ZNF280B: variants seen among roughly 807,000 people sequenced by gnomAD.
ZNF280B encodes suppressor of hairy wing homolog 2.
ZNF280B carries 16 observed loss-of-function variants against 38.0 expected under a neutral mutation model. The ratio of observed to expected loss-of-function variants is 0.42; its 90% CI spans 0.28 to 0.64. ZNF280B has a LOEUF of 0.64. Among genes scored for constraint, ZNF280B ranks in the 30% least tolerant of loss-of-function variants. The pLI, the probability that ZNF280B is intolerant of heterozygous loss-of-function variation, is 0.21. For missense variants in ZNF280B, 581 were observed against 639.6 expected, an observed-to-expected ratio of 0.91 and a Z score of 0.99; for synonymous variants, 253 against 230.6, an observed-to-expected ratio of 1.10 and a Z score of -0.88.
chr22:22,495,372 GGTA>G (rs2061673764), intron 2 of ZNF280B, among the ~76,000 whole-genome samples: 1 of 151,836 alleles, frequency 6.6e-6, no homozygotes. Flanking sequence ...GAGAGAAATC[GGTA>G]AACATTAACA....
At chr22:22,496,817 CTTTTTTT>C (rs398036598) in intron 2 of ZNF280B, among the ~76,000 whole-genome samples, 1 of 131,798 alleles carries the variant, frequency 7.6e-6, no homozygotes, top group South Asian at 2.5e-4. Flanking sequence ...GGGATCTACT[CTTTTTTT>C]TTTTTTTTTT....
chr22:22,488,087 G>C lies in ZNF280B; in HGVS notation c.1312C>G (p.Leu438Val), dbSNP rs764512962. The stretch of plus-strand genomic sequence containing the variant: ...GGTGTTGCTGTTTTGAAAATTTTGA[G>C]ACAAAAGGGACAAAGCAAATTCTTT... ...NTKNLLCPFC[L>V]KIFKTATPYM... Residue 438 changes from leucine to valine, a missense_variant, in exon 4 of 4, where the codon CTC becomes GTC. By Grantham distance (32) the Leu-to-Val change is conservative (BLOSUM62 1). Transcript: ENST00000626650. The C allele has an allele frequency of 6.2e-7, 1 of 1,613,884 alleles. No individual in the cohort carries two copies. Among genetic ancestry groups the C allele is most frequent in the South Asian group, 1.1e-5 (1 of 91,070 alleles).
rs752688662 is a variant in ZNF280B, at chr22:22,489,407, T to G, written c.-9A>C. ...TCACATGATTGTTCCATTTTCTAATTTTTTTATTCCTGAATGGTGGGGCCA... is the reference window on the plus strand; with the variant it reads ...TCACATGATTGTTCCATTTTCTAATGTTTTTATTCCTGAATGGTGGGGCCA... On this transcript the variant is annotated 5_prime_UTR_variant, in exon 4 of 4. Transcript: ENST00000626650. 2 of 1,577,940 alleles carry G rather than the reference T, an allele frequency of 1.3e-6. No homozygotes were observed. Among genetic ancestry groups the G allele is most frequent in the South Asian group, 2.4e-5 (2 of 84,170 alleles).
chr22:22,496,520 G>A (rs2061698584), intron 2 of ZNF280B, among the ~76,000 whole-genome samples: 1 of 151,880 alleles, frequency 6.6e-6, no homozygotes, highest in East Asian at 2.0e-4. Context: ...GCCCTGGGAT[G>A]GAATACAAAT....
intron 3 of ZNF280B, among the ~76,000 whole-genome samples, chr22:22,493,260 G>A (rs1259385580): frequency 6.6e-6 from 1 of 151,880 alleles, no homozygotes; most frequent in African/African-American, 2.4e-5. Flanking sequence ...GCCTGCCTTG[G>A]CCTCCCAAAG....
chr22:22,487,626 A>T lies in ZNF280B; in HGVS notation c.*141T>A. 1 of 644,980 alleles carries T rather than the reference A, an allele frequency of 1.6e-6. No individual in the cohort carries two copies. The highest frequency in any genetic ancestry group is 2.8e-5 in the East Asian group (1 of 35,090). The allele number at this position is 644,980 out of a possible 1,614,324, so 40.0% of individuals were successfully genotyped here. On this transcript the variant is annotated 3_prime_UTR_variant, in exon 4 of 4. Coordinates refer to ENST00000626650, the MANE Select transcript of ZNF280B (RefSeq NM_080764.4). The stretch of plus-strand genomic sequence containing the variant: ...TTCAGATCAAATAATATATATCCTG[A>T]ATCTTGTTTAAAAAGTCATATATAA...
intron 3 of ZNF280B, among the ~76,000 whole-genome samples, chr22:22,491,877 C>G (rs111541998): frequency 9.9e-5 from 15 of 151,916 alleles, no homozygotes; most frequent in African/African-American, 3.6e-4. Context: ...GCAAAATGTA[C>G]GCACTAGAAA....
At chr22:22,490,221 A>G (rs1479322715) in intron 3 of ZNF280B, among the ~76,000 whole-genome samples, 1 of 151,860 alleles carries the variant, frequency 6.6e-6, no homozygotes. Flanking sequence ...CTTAAACACA[A>G]CAGTGCTTCC....
intron 2 of ZNF280B, among the ~76,000 whole-genome samples, chr22:22,495,604 G>A (rs1016888264): frequency 2.0e-5 from 3 of 151,938 alleles, no homozygotes; most frequent in African/African-American, 7.2e-5. Context: ...TAAGTCTCAT[G>A]GAGAAGGTAA....
intron 3 of ZNF280B, among the ~76,000 whole-genome samples, chr22:22,492,498 ACTC>A (rs1472114180): frequency 6.6e-6 from 1 of 151,710 alleles, no homozygotes; most frequent in African/African-American, 2.4e-5. Flanking sequence ...CTGTGGGAAA[ACTC>A]CTGCCCAAAT....
chr22:22,498,025 A>T (rs1176727982), intron 2 of ZNF280B, among the ~76,000 whole-genome samples: 5 of 152,032 alleles, frequency 3.3e-5, no homozygotes, highest in Non-Finnish European at 7.4e-5. Context: ...TTATTCAGCC[A>T]TAAAAGAAAC....
chr22:22,496,296 C>T (rs1170662604), intron 2 of ZNF280B, among the ~76,000 whole-genome samples: 5 of 150,816 alleles, frequency 3.3e-5, no homozygotes, highest in African/African-American at 1.2e-4. Flanking sequence ...TGGGGTTTCC[C>T]CATGTTGTCC....
At position 22,486,180 on chromosome 22, in the gene ZNF280B, T is replaced by TA. The variant is rs2061498903; in HGVS notation, c.*1586dup. On this transcript the variant is annotated 3_prime_UTR_variant, in exon 4 of 4. Coordinates refer to ENST00000626650, the MANE Select transcript of ZNF280B (RefSeq NM_080764.4). ...CATTTAACAGAATAGCTGCAAGCTG[T>TA]AATACATTCATGTCCAAAGCAAGAC... 1.3e-5 allele frequency: 2 copies of TA among 152,016 alleles called. No homozygotes were observed. Among genetic ancestry groups the TA allele is most frequent in the African/African-American group, 4.8e-5 (2 of 41,414 alleles). The allele number at this position is 152,016 out of a possible 1,614,324, so 9.4% of individuals were successfully genotyped here. A position where few individuals can be genotyped will look rare whatever the true frequency, so the allele number is the denominator to read the frequency against.
chr22:22,491,360 G>T (rs1168437683), intron 3 of ZNF280B, among the ~76,000 whole-genome samples: 1 of 150,550 alleles, frequency 6.6e-6, no homozygotes, highest in Non-Finnish European at 1.5e-5. Flanking sequence ...AAGTTATATG[G>T]AGTCCAATTA....
chr22:22,489,421 A>C lies in ZNF280B; in HGVS notation c.-23T>G. On this transcript the variant is annotated 5_prime_UTR_variant, in exon 4 of 4. Coordinates refer to ENST00000626650, the MANE Select transcript of ZNF280B (RefSeq NM_080764.4). ...CATTTTCTAATTTTTTTATTCCTGA[A>C]TGGTGGGGCCACAAGTCCCAATGCT... 6.4e-7 allele frequency: 1 copy of C among 1,566,542 alleles called. No homozygotes were observed. The highest frequency in any genetic ancestry group is 8.6e-7 in the Non-Finnish European group (1 of 1,161,450).
chr22:22,507,299 T>C (rs1447368213), intron 2 of ZNF280B, among the ~76,000 whole-genome samples: 2 of 151,898 alleles, frequency 1.3e-5, no homozygotes, highest in African/African-American at 4.8e-5. Flanking sequence ...TATGAGGTAA[T>C]AAATTTTTTT....
intron 2 of ZNF280B, among the ~76,000 whole-genome samples, chr22:22,503,085 C>T (rs2061858089): frequency 6.6e-6 from 1 of 151,932 alleles, no homozygotes; most frequent in Admixed American, 6.6e-5. Context: ...TAGAGTTTCC[C>T]AGGGGAGGAC....
chr22:22,507,541 C>T (rs2061963734), intron 2 of ZNF280B, among the ~76,000 whole-genome samples: 2 of 150,200 alleles, frequency 1.3e-5, no homozygotes, highest in South Asian at 4.4e-4. Flanking sequence ...TATAACTTAA[C>T]ATCCCTGATG....
intron 2 of ZNF280B, among the ~76,000 whole-genome samples, chr22:22,495,277 T>C (rs1253275714): frequency 6.6e-6 from 1 of 151,948 alleles, no homozygotes; most frequent in East Asian, 2.0e-4. Context: ...CCTTTTTGAA[T>C]TGATTTCTGA....
Sources: gnomAD v4.1 joint callset for allele counts (sites outside exome capture counted in the v4.1 genomes callset) on GRCh38, gnomAD v4.1.1 for gene constraint, MANE v1.5 for transcripts, NCBI Gene and HGNC (gene_info 2026-07-23, HGNC 2026-07-21) for gene names.